GLIS3: variants seen among roughly 807,000 people sequenced by gnomAD.
GLIS3 encodes the protein zinc finger protein GLIS3.
Under a neutral mutation model 78.6 loss-of-function variants are expected in GLIS3, and 53 were observed. The ratio of observed to expected loss-of-function variants is 0.67; its 90% CI spans 0.54 to 0.85. The LOEUF is 0.85. GLIS3 is among the 40% of genes least tolerant of loss of function. The pLI, the probability that GLIS3 is intolerant of heterozygous loss-of-function variation, is 0.00. For missense variants in GLIS3, 1,703 were observed against 1,231.1 expected (o/e 1.38, Z -5.74); for synonymous variants, 684 against 509.9 (o/e 1.34, Z -4.60).
intron 2 of GLIS3, among the ~76,000 whole-genome samples, chr9:4,199,951 C>T (rs1819211717): frequency 6.6e-6 from 1 of 152,100 alleles, no homozygotes; most frequent in Non-Finnish European, 1.5e-5. Flanking sequence ...GAAATCATAC[C>T]AATCGTACTC....
intron 6 of GLIS3, among the ~76,000 whole-genome samples, chr9:3,917,890 A>G (rs1824626635): frequency 6.6e-6 from 1 of 152,244 alleles, no homozygotes; most frequent in Non-Finnish European, 1.5e-5. Flanking sequence ...ATGAAAAAAT[A>G]ACTAATAGGG....
At chr9:4,295,696 A>C (rs1338103903) in intron 1 of GLIS3, among the ~76,000 whole-genome samples, 1 of 152,154 alleles carries the variant, frequency 6.6e-6, no homozygotes, top group Middle Eastern at 3.2e-3. Context: ...TCTGGAGACT[A>C]GTTATGTGGG....
chr9:3,834,380 G>C (rs888276978), intron 9 of GLIS3, among the ~76,000 whole-genome samples: 1 of 152,186 alleles, frequency 6.6e-6, no homozygotes, highest in Non-Finnish European at 1.5e-5. Flanking sequence ...TGATGAAAAT[G>C]CTCTTTATCT....
At chr9:3,879,386 G>A (rs1478668525) in intron 8 of GLIS3, 41 bp downstream of exon 8, 8 of 1,597,568 alleles carry the variant, frequency 5.0e-6, no homozygotes, top group African/African-American at 1.3e-5. Context: ...AGGGAGGTTT[G>A]GCGGCGACAC....
chr9:4,351,767 T>G (rs370280145), upstream of GLIS3, among the ~76,000 whole-genome samples: 21 of 152,290 alleles, frequency 1.4e-4, no homozygotes, highest in East Asian at 1.3e-3. Context: ...TTTTTAAAAT[T>G]AGTTTCTAAG....
chr9:4,405,891 C>G, the GLIS3 span, among the ~76,000 whole-genome samples: 5 of 152,134 alleles, frequency 3.3e-5, no homozygotes, highest in African/African-American at 1.2e-4. Context: ...GGGATTTATC[C>G]CAGGGATGCA....
In GLIS3 at chr9:4,176,781, G is replaced by A. The variant is rs57596228; in HGVS notation, c.389-50840C>T. On this transcript the variant is annotated intron_variant, in intron 2 of 10. Coordinates refer to ENST00000381971, the MANE Select transcript of GLIS3 (RefSeq NM_001042413.2). The stretch of plus-strand genomic sequence containing the variant: ...TGGGATAAAAGACACCTGCGACCAC[G>A]CCCAGCTCATTTTTGTATTTTTAGT... Among the ~76,000 whole-genome samples the A allele has an allele frequency of 9.5e-3, 1,453 of 152,188 alleles. 18 individuals carry two copies. Among genetic ancestry groups the A allele is most frequent in the African/African-American group, 0.03 (1,231 of 41,526 alleles).
the GLIS3 span, among the ~76,000 whole-genome samples, chr9:4,372,438 G>T: frequency 1.3e-5 from 2 of 151,526 alleles, no homozygotes; most frequent in East Asian, 1.9e-4. Context: ...CAACTTGCCT[G>T]TAAGCATGTC....
chr9:3,864,519 A>C (rs1340127220), intron 8 of GLIS3, among the ~76,000 whole-genome samples: 1 of 152,232 alleles, frequency 6.6e-6, no homozygotes, highest in East Asian at 1.9e-4. Flanking sequence ...CTTTAAACGC[A>C]GTACTCCTGC....
chr9:3,892,719 G>GT (rs1382138461), intron 7 of GLIS3, among the ~76,000 whole-genome samples: 1 of 151,874 alleles, frequency 6.6e-6, no homozygotes, highest in Non-Finnish European at 1.5e-5. Context: ...AACCACCTAT[G>GT]TTTTTCTTTC....
intron 2 of GLIS3, among the ~76,000 whole-genome samples, chr9:4,283,764 T>A (rs748628369): frequency 6.6e-6 from 1 of 152,220 alleles, no homozygotes; most frequent in Non-Finnish European, 1.5e-5. Flanking sequence ...TGGCTTAGTA[T>A]AGGAATTGTC....
chr9:4,017,695 T>G (rs1375005610), intron 4 of GLIS3, among the ~76,000 whole-genome samples: 2 of 152,126 alleles, frequency 1.3e-5, no homozygotes, highest in African/African-American at 2.4e-5. Context: ...CCAGGATGCA[T>G]AGCCTGGTAT....
the GLIS3 span, among the ~76,000 whole-genome samples, chr9:4,368,832 G>C: frequency 2.0e-5 from 3 of 152,184 alleles, no homozygotes; most frequent in Non-Finnish European, 4.4e-5. Context: ...CTAATTCAAA[G>C]TGGAACTGGT....
chr9:4,429,712 C>T, the GLIS3 span, among the ~76,000 whole-genome samples: 1 of 151,990 alleles, frequency 6.6e-6, no homozygotes, highest in African/African-American at 2.4e-5. Flanking sequence ...ACATTGAATC[C>T]CCAGCTCTGT....
chr9:4,072,340 A>T (rs1444148579), intron 4 of GLIS3, among the ~76,000 whole-genome samples: 1 of 152,214 alleles, frequency 6.6e-6, no homozygotes, highest in Admixed American at 6.5e-5. Flanking sequence ...ATACTGTGAA[A>T]AGATTCAAAC....
chr9:4,054,041 G>C (rs979333711), intron 4 of GLIS3, among the ~76,000 whole-genome samples: 1 of 152,164 alleles, frequency 6.6e-6, no homozygotes, highest in South Asian at 2.1e-4. Flanking sequence ...ATTTGAATGA[G>C]AAAGAAGAAC....
chr9:4,385,781 GAAAGAAAGAAAGAAAGAAAGAAAGAAAGA>G, the GLIS3 span, among the ~76,000 whole-genome samples: 1,017 of 73,840 alleles, frequency 0.014, 178 homozygotes, highest in African/African-American at 0.06. Context: ...AAGAAAGAAA[GAAAGAAAGAAAGAAAGAAAGAAAGAAAGA>G]AAAGAAAGAA....
At chr9:4,063,131 G>C (rs1826797573) in intron 4 of GLIS3, among the ~76,000 whole-genome samples, 1 of 151,942 alleles carries the variant, frequency 6.6e-6, no homozygotes, top group South Asian at 2.1e-4. Context: ...ATCTGAGTCA[G>C]CACCACCTTA....
the GLIS3 span, among the ~76,000 whole-genome samples, chr9:4,395,483 A>C: frequency 6.6e-6 from 1 of 152,082 alleles, no homozygotes; most frequent in African/African-American, 2.4e-5. Context: ...CTGCTACCCA[A>C]ATCCAGCTCC....
Sources: gnomAD v4.1 joint callset for allele counts (sites outside exome capture counted in the v4.1 genomes callset) on GRCh38, gnomAD v4.1.1 for gene constraint, MANE v1.5 for transcripts, NCBI Gene and HGNC (gene_info 2026-07-23, HGNC 2026-07-21) for gene names.